Variants in MEIKIN observed in about 807,000 individuals in gnomAD.
MEIKIN encodes meiosis-specific kinetochore protein.
chr5:131,827,788 A>G (rs1749640247), intron 11 of MEIKIN, among the ~76,000 whole-genome samples: 1 of 152,242 alleles, frequency 6.6e-6, no homozygotes, highest in Admixed American at 6.5e-5. Flanking sequence ...GCTAATTTCA[A>G]CACATTATCA....
chr5:131,876,331 C>A (rs962251350), intron 9 of MEIKIN, among the ~76,000 whole-genome samples: 1 of 151,554 alleles, frequency 6.6e-6, no homozygotes, highest in East Asian at 1.9e-4. Flanking sequence ...AAAAAGTGGG[C>A]GAAGGATATG....
At chr5:131,915,332 G>A (rs560462929) in intron 7 of MEIKIN, among the ~76,000 whole-genome samples, 1 of 152,082 alleles carries the variant, frequency 6.6e-6, no homozygotes, top group Admixed American at 6.5e-5. Flanking sequence ...TTTTTCAGTG[G>A]AGCCCAGACC....
chr5:131,874,931 C>G (rs966458271), intron 9 of MEIKIN, among the ~76,000 whole-genome samples: 7 of 152,144 alleles, frequency 4.6e-5, no homozygotes, highest in Admixed American at 1.3e-4. Flanking sequence ...AGGCCTTCAA[C>G]AAAATTCAAC....
intron 9 of MEIKIN, among the ~76,000 whole-genome samples, chr5:131,862,181 G>A (rs1314856429): frequency 6.6e-6 from 1 of 152,034 alleles, no homozygotes; most frequent in Non-Finnish European, 1.5e-5. Context: ...AATCTTGGTA[G>A]GTTGTATGTT....
intron 11 of MEIKIN, among the ~76,000 whole-genome samples, chr5:131,831,553 CTCAATCAATCAA>C (rs201199749): frequency 4.6e-5 from 7 of 152,016 alleles, no homozygotes; most frequent in Admixed American, 3.3e-4. Context: ...AACAACGTGT[CTCAATCAATCAA>C]TCAATCAATC....
intron 6 of MEIKIN, among the ~76,000 whole-genome samples, chr5:131,917,372 C>G (rs1751430188): frequency 6.6e-6 from 1 of 151,962 alleles, no homozygotes; most frequent in African/African-American, 2.4e-5. Flanking sequence ...TCAAGACCAG[C>G]CCAGGCAACA....
chr5:131,883,954 T>C (rs1391895818), intron 8 of MEIKIN, among the ~76,000 whole-genome samples: 1 of 152,106 alleles, frequency 6.6e-6, no homozygotes, highest in Non-Finnish European at 1.5e-5. Flanking sequence ...TGCCCACCCA[T>C]GGAGGGAGTA....
intron 8 of MEIKIN, among the ~76,000 whole-genome samples, chr5:131,910,948 T>C (rs1025282995): frequency 2.0e-5 from 3 of 152,086 alleles, no homozygotes; most frequent in Admixed American, 2.0e-4. Context: ...AAATCATGGT[T>C]GATTTTGGTA....
chr5:131,904,990 T>C (rs925781071), intron 8 of MEIKIN, among the ~76,000 whole-genome samples: 1 of 150,150 alleles, frequency 6.7e-6, no homozygotes, highest in African/African-American at 2.5e-5. Flanking sequence ...TGTCGGGGGG[T>C]TGGAGGATAG....
intron 11 of MEIKIN, among the ~76,000 whole-genome samples, chr5:131,820,246 G>A (rs552273930): frequency 6.6e-6 from 1 of 151,644 alleles, no homozygotes; most frequent in Non-Finnish European, 1.5e-5. Flanking sequence ...TAATTTTTTT[G>A]TATTTTTAGT....
chr5:131,854,290 A>C (rs1750160540), intron 10 of MEIKIN, among the ~76,000 whole-genome samples: 2 of 152,164 alleles, frequency 1.3e-5, no homozygotes, highest in East Asian at 3.9e-4. Flanking sequence ...GAGTAGTCAA[A>C]TTTATAGAAA....
chr5:131,873,136 T>A (rs1308656691), intron 9 of MEIKIN, among the ~76,000 whole-genome samples: 2 of 152,212 alleles, frequency 1.3e-5, no homozygotes, highest in African/African-American at 4.8e-5. Context: ...AGGATCATAT[T>A]CACATATAAC....
At chr5:131,850,604 G>A (rs898116192) in intron 11 of MEIKIN, among the ~76,000 whole-genome samples, 11 of 152,090 alleles carry the variant, frequency 7.2e-5, no homozygotes, top group Admixed American at 6.5e-4. Flanking sequence ...AAATGATGCT[G>A]AGAAAACTGG....
chr5:131,898,968 T>C (rs1751103899), intron 8 of MEIKIN, among the ~76,000 whole-genome samples: 1 of 152,196 alleles, frequency 6.6e-6, no homozygotes, highest in Non-Finnish European at 1.5e-5. Flanking sequence ...ATGAACCAGG[T>C]ACTTCAGTTG....
intron 9 of MEIKIN, among the ~76,000 whole-genome samples, chr5:131,866,897 T>C (rs1045203691): frequency 2.6e-5 from 4 of 152,300 alleles, no homozygotes; most frequent in East Asian, 1.9e-4. Flanking sequence ...TAGTTGCCTA[T>C]TGAGTTAAAT....
chr5:131,814,907 C>A (rs990384414), intron 12 of MEIKIN, among the ~76,000 whole-genome samples: 2 of 152,158 alleles, frequency 1.3e-5, no homozygotes, highest in African/African-American at 4.8e-5. Flanking sequence ...GAGGGCCCAA[C>A]CAGTCAGCAG....
chr5:131,851,224 T>G lies in MEIKIN; in HGVS notation c.975+40A>C, dbSNP rs1441497288. ...ACAAAGTATCTAATGTAACAGTAAT[T>G]ATTTCCTTTAGTAATTGAAGGAAAA... On this transcript the variant is annotated intron_variant, in intron 11 of 12. Coordinates refer to ENST00000442687, the MANE Select transcript of MEIKIN (RefSeq NM_001303622.2). 2.5e-5 allele frequency: 10 copies of G among 396,726 alleles called. No individual in the cohort carries two copies. In the East Asian group the frequency reaches 3.6e-4, roughly 14 times the overall value. The allele number at this position is 396,726 out of a possible 1,614,324, so 24.6% of individuals were successfully genotyped here. A position where few individuals can be genotyped will look rare whatever the true frequency, so the allele number is the denominator to read the frequency against.
At chr5:131,827,338 C>T (rs759317719) in intron 11 of MEIKIN, among the ~76,000 whole-genome samples, 4 of 151,150 alleles carry the variant, frequency 2.6e-5, no homozygotes, top group Non-Finnish European at 4.4e-5. Flanking sequence ...GGGAGGCATA[C>T]AAAAAAAACT....
chr5:131,822,646 T>C (rs1749535320), intron 11 of MEIKIN, among the ~76,000 whole-genome samples: 1 of 152,240 alleles, frequency 6.6e-6, no homozygotes, highest in Admixed American at 6.5e-5. Context: ...GTCTATGTCT[T>C]GAAAAGTTGT....
Sources: allele counts gnomAD v4.1 joint callset (sites outside exome capture counted in the v4.1 genomes callset), GRCh38; gene constraint gnomAD v4.1.1; transcripts MANE v1.5; gene names NCBI Gene and HGNC (gene_info 2026-07-23, HGNC 2026-07-21).